EPHB1: variants seen among roughly 807,000 people sequenced by gnomAD.
The protein encoded by EPHB1 is EPH receptor B1.
EPHB1 carries 30 observed loss-of-function variants against 94.4 expected under a neutral mutation model. The observed-to-expected ratio is 0.32, with a 90% CI of 0.24 to 0.43. The LOEUF (loss-of-function observed/expected upper bound fraction) is 0.43, where lower values mean the gene tolerates loss of function less well. Among genes scored for constraint, EPHB1 ranks in the 20% least tolerant of loss-of-function variants. The pLI is 1.00. For synonymous variants in EPHB1, 522 were observed against 489.1 expected (o/e 1.07, Z -0.89); for missense variants, 1,055 against 1,308.3 (o/e 0.81, Z 2.99).
chr3:135,227,406 G>C (rs1943428018), intron 12 of EPHB1, among the ~76,000 whole-genome samples: 1 of 151,748 alleles, frequency 6.6e-6, no homozygotes, highest in Admixed American at 6.6e-5. Flanking sequence ...CCTCTTTACT[G>C]TGTGTGTGTG....
At chr3:134,999,577 G>T (rs1459194654) in intron 3 of EPHB1, among the ~76,000 whole-genome samples, 1 of 152,188 alleles carries the variant, frequency 6.6e-6, no homozygotes, top group Non-Finnish European at 1.5e-5. Flanking sequence ...ACGGTGAGCT[G>T]CTCACTCCTC....
rs564387252 is a variant in EPHB1 at position 134,800,429 on chromosome 3, T to A, written c.58+4740T>A. 6.6e-5 allele frequency among the ~76,000 whole-genome samples: 10 copies of A among 152,316 alleles called. No individual in the cohort carries two copies. The East Asian group carries it at 1.9e-3, about 29-fold the overall frequency. On this transcript the variant is annotated intron_variant, in intron 1 of 15. Coordinates refer to ENST00000398015, the MANE Select transcript of EPHB1 (RefSeq NM_004441.5). Reference sequence around the variant, plus strand: ...AGCATGGGCAAAAGGTAGGGGCAATTTTGGAAGCCCAAAGAGGGGAATACC... The same window carrying A: ...AGCATGGGCAAAAGGTAGGGGCAATATTGGAAGCCCAAAGAGGGGAATACC...
chr3:135,137,844 C>T (rs1038415002), intron 5 of EPHB1, among the ~76,000 whole-genome samples: 1 of 152,188 alleles, frequency 6.6e-6, no homozygotes, highest in African/African-American at 2.4e-5. Flanking sequence ...CAAGCCTTCA[C>T]AGTTTCTTTG....
intron 2 of EPHB1, among the ~76,000 whole-genome samples, chr3:134,939,306 A>G (rs2039069533): frequency 6.6e-6 from 1 of 150,468 alleles, no homozygotes; most frequent in Non-Finnish European, 1.5e-5. Context: ...GGGCTTTCAG[A>G]AGCAGTCTCC....
chr3:134,930,500 A>G (rs954432733), intron 2 of EPHB1, among the ~76,000 whole-genome samples: 16 of 152,214 alleles, frequency 1.1e-4, no homozygotes, highest in Non-Finnish European at 1.5e-5. Flanking sequence ...CCCTCACCAC[A>G]GGCCCTGGTG....
intron 1 of EPHB1, among the ~76,000 whole-genome samples, chr3:134,826,884 C>T (rs115470870): frequency 0.011 from 1,745 of 152,310 alleles, 34 homozygotes; most frequent in African/African-American, 0.04. Flanking sequence ...AAAGATGCTT[C>T]AGCTCTCTTC....
At position 135,201,652 on chromosome 3, in the gene EPHB1, A is replaced by G. The variant is rs1323620079; in HGVS notation, c.2309A>G (p.Gln770Arg). The change falls in exon 12 of 16, where the codon CAG becomes CGG. Residue 770 changes from glutamine (Q) to arginine (R), a missense_variant. By Grantham distance (43) the Gln-to-Arg change is conservative. Transcript: ENST00000398015. ...GACTTTGGCCTCTCCCGCTACCTCC[A>G]GGATGACACCTCAGATCCCACCTAC... Reference protein sequence around the residue: ...VSDFGLSRYLQDDTSDPTYTS... With the variant: ...VSDFGLSRYLRDDTSDPTYTS... 1 of 1,613,842 alleles carries G rather than the reference A, an allele frequency of 6.2e-7. No homozygotes were observed. Among genetic ancestry groups the G allele is most frequent in the East Asian group, 2.2e-5 (1 of 44,860 alleles).
intron 1 of EPHB1, among the ~76,000 whole-genome samples, chr3:134,811,315 C>T (rs969310088): frequency 1.2e-4 from 17 of 136,738 alleles, no homozygotes; most frequent in African/African-American, 3.1e-4. Context: ...CTCAGCTCAC[C>T]GCAAACTCTG....
chr3:135,178,404 C>T (rs78474234), intron 9 of EPHB1, among the ~76,000 whole-genome samples: 17,577 of 144,478 alleles, frequency 0.12, 1,438 homozygotes, highest in East Asian at 0.23. Context: ...TGCAGTGAGC[C>T]GAGATCACAC....
intron 1 of EPHB1, among the ~76,000 whole-genome samples, chr3:134,836,391 T>A (rs138451370): frequency 3.3e-5 from 5 of 152,342 alleles, no homozygotes; most frequent in Non-Finnish European, 7.4e-5. Flanking sequence ...ATTTTCTAGT[T>A]TTAATTTTGC....
At chr3:135,071,758 A>G (rs1381858705) in intron 3 of EPHB1, among the ~76,000 whole-genome samples, 6 of 152,126 alleles carry the variant, frequency 3.9e-5, no homozygotes, top group Non-Finnish European at 8.8e-5. Context: ...ACATACACTC[A>G]CCTGCTGACT....
intron 3 of EPHB1, among the ~76,000 whole-genome samples, chr3:134,961,459 A>G (rs1933515522): frequency 6.6e-6 from 1 of 152,236 alleles, no homozygotes; most frequent in African/African-American, 2.4e-5. Context: ...ACTTTTATAC[A>G]AATCTCCACT....
chr3:134,995,496 A>G (rs11926107), intron 3 of EPHB1, among the ~76,000 whole-genome samples: 44,769 of 151,922 alleles, frequency 0.29, 7,101 homozygotes, highest in Middle Eastern at 0.47. Context: ...TTTTGTTTTC[A>G]TTTTTCTAGA....
intron 3 of EPHB1, among the ~76,000 whole-genome samples, chr3:135,001,120 G>T (rs942698333): frequency 3.3e-5 from 5 of 152,156 alleles, no homozygotes; most frequent in Non-Finnish European, 7.3e-5. Context: ...CCTCCTTGGG[G>T]CAGGGTGTTC....
At chr3:134,999,568 C>T (rs16842468) in intron 3 of EPHB1, among the ~76,000 whole-genome samples, 16,314 of 152,144 alleles carry the variant, frequency 0.11, 1,020 homozygotes, top group South Asian at 0.16. Flanking sequence ...GAAGGAAAGA[C>T]GGTGAGCTGC....
chr3:135,168,760 A>T (rs1941724989), intron 9 of EPHB1, among the ~76,000 whole-genome samples: 1 of 152,130 alleles, frequency 6.6e-6, no homozygotes, highest in South Asian at 2.1e-4. Context: ...TCCATTTCAG[A>T]TCTGGCATCC....
At chr3:134,840,499 T>C (rs1269195581) in intron 1 of EPHB1, 1 of 152,226 alleles carries the variant, frequency 6.6e-6, no homozygotes, top group African/African-American at 2.4e-5. Context: ...TCAGATGCAT[T>C]GGAAACTTCA....
intron 1 of EPHB1, among the ~76,000 whole-genome samples, chr3:134,809,493 G>A (rs1468999082): frequency 2.6e-5 from 4 of 152,092 alleles, no homozygotes; most frequent in African/African-American, 7.2e-5. Flanking sequence ...CTTGTTCAGA[G>A]CATCTCCTCC....
intron 3 of EPHB1, chr3:134,978,173 C>G (rs1190642643): frequency 5.8e-6 from 2 of 346,230 alleles, no homozygotes; most frequent in African/African-American, 2.2e-5. Context: ...AGTTACAAGT[C>G]CTATCCATTC....
Sources: allele counts gnomAD v4.1 joint callset (sites outside exome capture counted in the v4.1 genomes callset), GRCh38; gene constraint gnomAD v4.1.1; transcripts MANE v1.5; gene names NCBI Gene and HGNC (gene_info 2026-07-23, HGNC 2026-07-21).